The following NLRP6 variants were observed in gnomAD, a reference collection of about 807,000 sequenced individuals.
The protein encoded by NLRP6 is NLR family pyrin domain containing 6, also known as NACHT, LRR and PYD domains-containing protein 6.
Under a neutral mutation model 70.9 loss-of-function variants are expected in NLRP6, and 55 were observed. That is an observed-to-expected ratio of 0.78 (90% confidence interval 0.62 to 0.97). NLRP6 has a LOEUF of 0.97. Among genes scored for constraint, NLRP6 ranks in the 50% least tolerant of loss-of-function variants. The pLI, the probability that NLRP6 is intolerant of heterozygous loss-of-function variation, is 0.00. For synonymous variants in NLRP6, 652 were observed against 581.9 expected (o/e 1.12, Z -1.73); for missense variants, 1,241 against 1,238.3 (o/e 1.00, Z -0.03).
rs746093514 is a variant in NLRP6, at chr11:284,277, A to G, written c.2246A>G (p.Glu749Gly). Residue 749 changes from glutamate (E) to glycine (G), a missense_variant, in exon 6 of 8, where the codon GAG becomes GGG. Coordinates refer to ENST00000534750, the MANE Select transcript of NLRP6 (RefSeq NM_001276700.2). ...GACGCGGTCTGCCGAGACCTTTCTG[A>G]GGCCCTGAGGGCAGCCCCCGCACTG... ...LPDAVCRDLS[E>G]ALRAAPALTE... 2 of 1,613,126 alleles carry G rather than the reference A, an allele frequency of 1.2e-6. No individual in the cohort carries two copies. Among genetic ancestry groups the G allele is most frequent in the African/African-American group, 1.3e-5 (1 of 75,042 alleles).
rs1363513864 is a variant in NLRP6, at chr11:285,152, G to A, written c.2538-14G>A. ...CCACCGCTGACCCCGCTTCTGCTCT[G>A]CGTGTGGCTGCAGTCTGGCCTCTGT... is the stretch of plus-strand genomic sequence containing the variant. On this transcript the variant is annotated splice_polypyrimidine_tract_variant and intron_variant, in intron 7 of 7. Transcript: ENST00000534750. 6 of 1,574,098 alleles carry A rather than the reference G, an allele frequency of 3.8e-6. No homozygotes were observed. In the South Asian group the frequency reaches 5.8e-5, roughly 15 times the overall value.
At position 284,246 on chromosome 11, in the gene NLRP6, C is replaced by T; in HGVS notation, c.2215C>T (p.Leu739Phe). 1 of 1,613,278 alleles carries T rather than the reference C, an allele frequency of 6.2e-7. No homozygotes were observed. Among genetic ancestry groups the T allele is most frequent in the Middle Eastern group, 1.6e-4 (1 of 6,062 alleles). ...TGACCACAGGCTGTCCCACTGCAAACTCCCTGACGCGGTCTGCCGAGACCT... is the reference window on the plus strand; with the variant it reads ...TGACCACAGGCTGTCCCACTGCAAATTCCCTGACGCGGTCTGCCGAGACCT... ...LSSLTLSHCK[L>F]PDAVCRDLSE... The change falls in exon 6 of 8, where the codon CTC becomes TTC. Residue 739 changes from leucine to phenylalanine, a missense_variant. Physicochemically the swap from Leu to Phe is conservative, Grantham distance 22 (BLOSUM62 0). Transcript: ENST00000534750.
At chr11:284,802 C>T (rs1845535514) in intron 7 of NLRP6, among the ~76,000 whole-genome samples, 160 bp downstream of exon 7, 1 of 152,214 alleles carries the variant, frequency 6.6e-6, no homozygotes, top group Admixed American at 6.5e-5. Context: ...GCCCTGACAG[C>T]CCTGCCCTCT....
At chr11:279,295 C>G in intron 1 of NLRP6, 32 bp from the exon 2 acceptor site, 1 of 1,259,970 alleles carries the variant, frequency 7.9e-7, no homozygotes, top group Non-Finnish European at 1.0e-6. Context: ...CCGAGGGCCG[C>G]TCCCCGATGA....
At chr11:279,043 G>A (rs1448695172) in intron 1 of NLRP6, 11 of 368,432 alleles carry the variant, frequency 3.0e-5, no homozygotes, top group African/African-American at 6.3e-5. Context: ...AGGTGCAGGG[G>A]AGGAAGGTGC....
chr11:280,795 A>C lies in NLRP6; in HGVS notation c.1061A>C (p.Lys354Thr), dbSNP rs1372665019. 1 of 1,611,398 alleles carries C rather than the reference A, an allele frequency of 6.2e-7. No homozygotes were observed. Among genetic ancestry groups the C allele is most frequent in the Admixed American group, 1.7e-5 (1 of 60,006 alleles). ...GTGCGCGGCTTCTCCGACAAGGACA[A>C]GAAGAAGTATTTCTACAAGTATTTC... Reference protein sequence around the residue: ...AEVRGFSDKDKKKYFYKYFRD... With the variant: ...AEVRGFSDKDTKKYFYKYFRD... Residue 354 changes from lysine to threonine, a missense_variant, in exon 4 of 8, where the codon AAG (lysine) becomes ACG (threonine). Physicochemically the swap from Lys to Thr is moderately conservative, Grantham distance 78 (BLOSUM62 -1). Coordinates refer to ENST00000534750, the MANE Select transcript of NLRP6 (RefSeq NM_001276700.2).
Position 281,307 on chromosome 11 carries a change from G to A in NLRP6, c.1573G>A (p.Gly525Ser), listed in dbSNP as rs1845473375. Residue 525 changes from glycine to serine, a missense_variant, in exon 4 of 8, where the codon GGC (glycine) becomes AGC (serine). Physicochemically the swap from Gly to Ser is moderately conservative, Grantham distance 56. Transcript: ENST00000534750. ...DGGVPRTAAG[G>S]VGTLLRGDAQ... ...CGGGGTGCCCAGGACCGCGGCTGGC[G>A]GCGTTGGGACACTCCTGCGTGGGGA... The A allele has an allele frequency of 6.2e-7, 1 of 1,609,098 alleles. No homozygotes were observed. The highest frequency in any genetic ancestry group is 8.5e-7 in the Non-Finnish European group (1 of 1,177,532).
rs1308474744 is a variant in NLRP6, at chr11:282,806, C to T, written c.2198+9C>T. On this transcript the variant is annotated intron_variant, in intron 5 of 7. Coordinates refer to ENST00000534750, the MANE Select transcript of NLRP6 (RefSeq NM_001276700.2). ...CATCTGAGCAGCCTCACGTGAGTGG[C>T]CACACCCCCAGCTCTTCCCACGGAG... 4 of 1,587,628 alleles carry T rather than the reference C, an allele frequency of 2.5e-6. No individual in the cohort carries two copies. The highest frequency in any genetic ancestry group is 2.6e-6 in the Non-Finnish European group (3 of 1,156,212).
rs1381750557 is a variant in NLRP6 at position 278,617 on chromosome 11, G to T, written c.29+19G>T. The T allele has an allele frequency of 6.3e-7, 1 of 1,575,458 alleles. No individual in the cohort carries two copies. The highest frequency in any genetic ancestry group is 8.6e-7 in the Non-Finnish European group (1 of 1,162,252). On this transcript the variant is annotated intron_variant, in intron 1 of 7. Coordinates refer to ENST00000534750, the MANE Select transcript of NLRP6 (RefSeq NM_001276700.2). This position sits in a 1 kb window ranked among gnomAD's most constrained non-coding sequence, Gnocchi z 4.7. ...GCTCCAGGTGAGTGCTGGCCCCAGGGTGGTCACTGGGAACCGGCTGGTCTC... is the reference window on the plus strand; with the variant it reads ...GCTCCAGGTGAGTGCTGGCCCCAGGTTGGTCACTGGGAACCGGCTGGTCTC...
At chr11:284,206 A>G in intron 5 of NLRP6, 24 bp from the exon 6 acceptor site, 1 of 1,611,776 alleles carries the variant, frequency 6.2e-7, no homozygotes, top group Non-Finnish European at 8.5e-7. Context: ...CCTGCAGGTA[A>G]ATCTCTGTGC....
chr11:285,080 G>T, intron 7 of NLRP6, 86 bp from the exon 8 acceptor site: 2 of 1,240,812 alleles, frequency 1.6e-6, no homozygotes, highest in East Asian at 2.5e-5. Context: ...ACTGCCCGCG[G>T]CCCGGCTGCC....
rs141643027 is a variant in NLRP6 at position 284,527 on chromosome 11, C to T, written c.2422C>T (p.Arg808Trp). The change falls in exon 7 of 8, where the codon CGG (arginine) becomes TGG (tryptophan). Residue 808 changes from arginine (R) to tryptophan (W), a missense_variant. Physicochemically the swap from Arg to Trp is moderately radical, Grantham distance 101. Coordinates refer to ENST00000534750, the MANE Select transcript of NLRP6 (RefSeq NM_001276700.2). ...RGLQYLVGML[R>W]QSPALTTLDL... ...GCTCCAGTACCTGGTGGGTATGCTT[C>T]GGCAGAGCCCTGCCCTGACCACCCT... 3.4e-4 allele frequency: 543 copies of T among 1,612,978 alleles called. 1 individual carries two copies. In the African/African-American group the frequency reaches 3.8e-3, roughly 11 times the overall value.
intron 7 of NLRP6, 52 bp downstream of exon 7, chr11:284,694 AG>A (rs746910008): frequency 3.3e-6 from 5 of 1,523,014 alleles, no homozygotes; most frequent in East Asian, 2.3e-5. Context: ...CAACCCGGGG[AG>A]GGGGAGGGTG....
At chr11:283,199 C>T (rs764334290) in intron 5 of NLRP6, among the ~76,000 whole-genome samples, 10 of 152,068 alleles carry the variant, frequency 6.6e-5, no homozygotes, top group Admixed American at 5.2e-4. Context: ...CCGGCTTCTG[C>T]GTGCCCAGTA....
At chr11:284,125 T>C (rs1845519099) in intron 5 of NLRP6, 105 bp from the exon 6 acceptor site, 2 of 1,007,164 alleles carry the variant, frequency 2.0e-6, no homozygotes, top group South Asian at 1.4e-5. Context: ...CCAACACATC[T>C]CTCAGCTGAA....
In NLRP6 at chr11:280,831, G is replaced by A. The variant is rs1564832244; in HGVS notation, c.1097G>A (p.Arg366Lys). ...KYFYKYFRDE[R>K]RAERAYRFVK... ...TTCTACAAGTATTTCCGGGATGAGA[G>A]GAGGGCCGAGCGCGCCTACCGCTTC... Residue 366 changes from arginine (R) to lysine (K), a missense_variant, in exon 4 of 8, where the codon AGG becomes AAG. Physicochemically the swap from Arg to Lys is conservative, Grantham distance 26 (BLOSUM62 2). Transcript: ENST00000534750. 2 of 1,613,156 alleles carry A rather than the reference G, an allele frequency of 1.2e-6. No homozygotes were observed. The highest frequency in any genetic ancestry group is 1.7e-6 in the Non-Finnish European group (2 of 1,179,896).
At chr11:281,867 T>C (rs1474930472) in intron 4 of NLRP6, 28 bp downstream of exon 4, 1 of 1,540,762 alleles carries the variant, frequency 6.5e-7, no homozygotes, top group Non-Finnish European at 8.7e-7. Flanking sequence ...AGATACTCTC[T>C]TGTGTGTGAG....
In NLRP6 at chr11:281,565, GA is replaced by G; in HGVS notation, c.1832del (p.Glu611GlyfsTer49). On this transcript the variant is annotated frameshift_variant, in exon 4 of 8. Transcript: ENST00000534750. LOFTEE classifies it high-confidence loss of function. ...EDTEEPEEEE[E>X]GEEPNYPLEL... The stretch of plus-strand genomic sequence containing the variant: ...CACCGAAGAGCCAGAGGAGGAGGAG[GA>G]GGGAGAGGAGCCCAACTACCCACTG... 1 of 1,611,496 alleles carries G rather than the reference GA, an allele frequency of 6.2e-7. No homozygotes were observed. Among genetic ancestry groups the G allele is most frequent in the South Asian group, 1.1e-5 (1 of 90,800 alleles).
At position 281,577 on chromosome 11, in the gene NLRP6, C is replaced by A; in HGVS notation, c.1843C>A (p.Pro615Thr). 1 of 1,611,002 alleles carries A rather than the reference C, an allele frequency of 6.2e-7. No individual in the cohort carries two copies. The highest frequency in any genetic ancestry group is 1.1e-5 in the South Asian group (1 of 90,736). Residue 615 changes from proline (P) to threonine (T), a missense_variant, in exon 4 of 8, where the codon CCC becomes ACC. Pro to Thr is a conservative substitution (Grantham distance 38, BLOSUM62 -1). Coordinates refer to ENST00000534750, the MANE Select transcript of NLRP6 (RefSeq NM_001276700.2). ...EPEEEEEGEE[P>T]NYPLELLYCL... ...AGAGGAGGAGGAGGAGGGAGAGGAG[C>A]CCAACTACCCACTGGAGTTGCTGTA...
Sources: gnomAD v4.1 joint callset for allele counts (sites outside exome capture counted in the v4.1 genomes callset) on GRCh38, gnomAD v4.1.1 for gene constraint, Gnocchi (gnomAD v3.1) non-coding constraint, MANE v1.5 for transcripts, NCBI Gene and HGNC (gene_info 2026-07-23, HGNC 2026-07-21) for gene names.